MAP7D2: variants seen among roughly 807,000 people sequenced by gnomAD.
MAP7D2 encodes the protein MAP7 domain-containing protein 2.
A neutral mutation model predicts 63.5 loss-of-function variants in MAP7D2; 33 were observed. That is an observed-to-expected ratio of 0.52 (90% CI 0.39 to 0.70). MAP7D2 has a LOEUF of 0.70. Ranked by LOEUF, MAP7D2 falls within the 30% of genes least tolerant of loss-of-function variation. The probability of loss-of-function intolerance (pLI) is 0.00; values close to 1 mark genes in which losing one functional copy is unlikely to be tolerated. For missense variants in MAP7D2, 626 were observed against 604.0 expected, an observed-to-expected ratio of 1.04 and a Z score of -0.38; for synonymous variants, 224 against 223.7, an observed-to-expected ratio of 1.00 and a Z score of -0.01.
intron 14 of MAP7D2, 115 bp downstream of exon 14, chrX:20,012,939 C>T (rs954049303): frequency 1.7e-6 from 1 of 591,706 alleles, no homozygotes; most frequent in Non-Finnish European, 2.8e-6. Context: ...GGAAACTGCA[C>T]AGGCCCCTGC....
At chrX:20,093,196 G>A (rs2066115374) in intron 1 of MAP7D2, among the ~76,000 whole-genome samples, 1 of 111,997 alleles carries the variant, frequency 8.9e-6, no homozygotes, top group Non-Finnish European at 1.9e-5. Context: ...ATGAATTCCT[G>A]CAGTTGTGCC....
intron 1 of MAP7D2, among the ~76,000 whole-genome samples, chrX:20,100,714 G>C (rs1021524762): frequency 9.0e-6 from 1 of 111,384 alleles, no homozygotes; most frequent in African/African-American, 3.3e-5. Context: ...AAGGAATGCA[G>C]GCAGCCTCTA....
At chrX:20,032,796 C>G (rs1288528854) in intron 8 of MAP7D2, among the ~76,000 whole-genome samples, 1 of 111,961 alleles carries the variant, frequency 8.9e-6, no homozygotes, top group African/African-American at 3.3e-5. Context: ...CTGCTTTGAC[C>G]TATAAAATAC....
chrX:20,110,225 C>T (rs910548915), intron 1 of MAP7D2, among the ~76,000 whole-genome samples: 18 of 106,277 alleles, frequency 1.7e-4, no homozygotes, highest in Non-Finnish European at 1.9e-4. Flanking sequence ...CGGTGGTTCA[C>T]GCCTGTAATC....
chrX:20,068,380 G>A (rs2065412639), intron 1 of MAP7D2, among the ~76,000 whole-genome samples: 1 of 112,287 alleles, frequency 8.9e-6, no homozygotes, highest in African/African-American at 3.2e-5. Context: ...GGATAAGGAA[G>A]TCTGAGTTCA....
At chrX:20,055,972 T>C (rs2065060399) in intron 4 of MAP7D2, 1 of 277,256 alleles carries the variant, frequency 3.6e-6, no homozygotes, top group Non-Finnish European at 6.5e-6. Context: ...AAATAAAGTA[T>C]ATTTACTGCC....
chrX:20,021,586 G>A (rs1023471163), intron 10 of MAP7D2: 1 of 111,451 alleles, frequency 9.0e-6, no homozygotes, highest in Non-Finnish European at 1.9e-5. Flanking sequence ...GGGGTCGAGT[G>A]TATTGCTCTA....
Position 20,012,379 on chromosome X carries a change from G to A in MAP7D2, c.2042C>T (p.Ser681Leu). Reference sequence around the variant, plus strand: ...ATCCATAGACTGAACTTCTTCAGTTGAATCATCCAGGCTATTTGATTTCCC... The same window carrying A: ...ATCCATAGACTGAACTTCTTCAGTTAAATCATCCAGGCTATTTGATTTCCC... ...LDGKSNSLDDSTEEVQSMDVS... is the reference protein window; with the variant it reads ...LDGKSNSLDDLTEEVQSMDVS... Residue 681 changes from serine to leucine, a missense_variant, in exon 15 of 17, where the codon TCA becomes TTA. Ser to Leu is a moderately radical substitution (Grantham distance 145). Coordinates refer to ENST00000379643, the MANE Select transcript of MAP7D2 (RefSeq NM_001168465.2). 1 of 1,205,020 alleles carries A rather than the reference G, an allele frequency of 8.3e-7. No homozygotes were observed. Among genetic ancestry groups the A allele is most frequent in the South Asian group, 1.8e-5 (1 of 55,320 alleles).
At chrX:20,095,700 G>A (rs1247395234) in intron 1 of MAP7D2, among the ~76,000 whole-genome samples, 1 of 112,085 alleles carries the variant, frequency 8.9e-6, no homozygotes, top group Non-Finnish European at 1.9e-5. Context: ...ATAGCCAAAA[G>A]GGGGAAGCAA....
At chrX:20,094,993 G>A (rs763644162) in intron 1 of MAP7D2, among the ~76,000 whole-genome samples, 3 of 108,680 alleles carry the variant, frequency 2.8e-5, no homozygotes, top group South Asian at 4.1e-4. Context: ...AGTAGCTCAC[G>A]CCTGTTTTCC....
intron 8 of MAP7D2, among the ~76,000 whole-genome samples, chrX:20,027,786 GAGAGAC>G (rs1387650597): frequency 1.1e-4 from 10 of 95,238 alleles, no homozygotes; most frequent in African/African-American, 4.3e-4. Flanking sequence ...GAGAGAGAGA[GAGAGAC>G]AGAGACAGAC....
intron 11 of MAP7D2, 91 bp from the exon 12 acceptor site, chrX:20,015,418 A>C: frequency 5.7e-6 from 4 of 703,485 alleles, no homozygotes; most frequent in South Asian, 2.3e-5. Context: ...CCTTCATCTC[A>C]TCATCTGCCC....
At chrX:20,081,806 C>T (rs2065785403) in intron 1 of MAP7D2, among the ~76,000 whole-genome samples, 1 of 111,350 alleles carries the variant, frequency 9.0e-6, no homozygotes, top group Non-Finnish European at 1.9e-5. Flanking sequence ...GTGTGCACCA[C>T]CACGCTCAGC....
At chrX:20,064,051 C>T (rs1328781123) in intron 2 of MAP7D2, among the ~76,000 whole-genome samples, 8 of 112,150 alleles carry the variant, frequency 7.1e-5, no homozygotes, top group African/African-American at 2.6e-4. Context: ...GGGGGTAAAA[C>T]ACACGAACAA....
chrX:20,036,527 C>T (rs868102101), intron 8 of MAP7D2, among the ~76,000 whole-genome samples: 3 of 106,395 alleles, frequency 2.8e-5, no homozygotes, highest in Admixed American at 1.0e-4. Flanking sequence ...TAGGTGTGAG[C>T]CACCGCGCCT....
intron 1 of MAP7D2, among the ~76,000 whole-genome samples, chrX:20,102,714 T>C (rs1016312084): frequency 4.9e-5 from 4 of 81,133 alleles, no homozygotes; most frequent in Middle Eastern, 6.8e-3. Context: ...GCACTGGCCA[T>C]GGGGATGCGG....
chrX:20,094,502 A>G (rs868166392), intron 1 of MAP7D2, among the ~76,000 whole-genome samples: 1 of 20,718 alleles, frequency 4.8e-5, no homozygotes, highest in African/African-American at 1.7e-4. Context: ...ATATATATAT[A>G]TATATATATA....
rs144646580 is a variant in MAP7D2 at position 20,043,886 on chromosome X, T to C, written c.879+478A>G. Among the ~76,000 whole-genome samples, 850 of 111,830 alleles carry C rather than the reference T, an allele frequency of 7.6e-3. 7 individuals are homozygous for C. The highest frequency in any genetic ancestry group is 0.025 in the African/African-American group (779 of 30,765). Reference sequence around the variant, plus strand: ...AGTAACATGTGCCTGTAGTCCCAGCTACTCAGGAGGCTGAGGCAGGAGGAT... The same window carrying C: ...AGTAACATGTGCCTGTAGTCCCAGCCACTCAGGAGGCTGAGGCAGGAGGAT... On this transcript the variant is annotated intron_variant, in intron 7 of 16. Coordinates refer to ENST00000379643, the MANE Select transcript of MAP7D2 (RefSeq NM_001168465.2).
chrX:20,074,788 C>T (rs2065602726), intron 1 of MAP7D2, among the ~76,000 whole-genome samples: 1 of 111,848 alleles, frequency 8.9e-6, no homozygotes, highest in African/African-American at 3.3e-5. Flanking sequence ...CGGTGGTTTA[C>T]TCCTGTAATC....
Sources: allele counts gnomAD v4.1 joint callset (sites outside exome capture counted in the v4.1 genomes callset), GRCh38; gene constraint gnomAD v4.1.1; transcripts MANE v1.5; gene names NCBI Gene and HGNC (gene_info 2026-07-23, HGNC 2026-07-21).